The following CNTNAP2 variants were observed in gnomAD, a reference collection of about 807,000 sequenced individuals.
CNTNAP2 encodes the protein contactin-associated protein-like 2.
CNTNAP2 carries 98 observed loss-of-function variants against 155.2 expected under a neutral mutation model. The ratio of observed to expected loss-of-function variants is 0.63; its 90% CI spans 0.54 to 0.75. CNTNAP2 has a LOEUF of 0.75. Ranked by LOEUF, CNTNAP2 falls within the 30% of genes least tolerant of loss-of-function variation. The pLI, the probability that CNTNAP2 is intolerant of heterozygous loss-of-function variation, is 0.00. For synonymous variants in CNTNAP2, 651 were observed against 631.2 expected (o/e 1.03, Z -0.47); for missense variants, 1,727 against 1,688.1 (o/e 1.02, Z -0.40).
chr7:148,192,526 T>A (rs1795215292), intron 18 of CNTNAP2, among the ~76,000 whole-genome samples: 1 of 147,718 alleles, frequency 6.8e-6, no homozygotes. Flanking sequence ...AAGAAATGGA[T>A]GACCAAAAAA....
At chr7:147,991,326 A>G (rs902696117) in intron 15 of CNTNAP2, among the ~76,000 whole-genome samples, 4 of 149,964 alleles carry the variant, frequency 2.7e-5, no homozygotes, top group Admixed American at 2.0e-4. Flanking sequence ...AATAACCACA[A>G]AAGATGATTT....
intron 1 of CNTNAP2, among the ~76,000 whole-genome samples, chr7:146,410,629 C>A (rs1338099470): frequency 6.6e-6 from 1 of 152,048 alleles, no homozygotes; most frequent in Non-Finnish European, 1.5e-5. Flanking sequence ...GTTATTTTTC[C>A]TGATCCTGTC....
chr7:147,968,717 C>T (rs955227212), intron 14 of CNTNAP2, among the ~76,000 whole-genome samples: 1 of 152,182 alleles, frequency 6.6e-6, no homozygotes, highest in African/African-American at 2.4e-5. Context: ...ATCACCTCCT[C>T]ATAATCATTT....
chr7:146,537,002 A>T (rs1410631649), intron 1 of CNTNAP2, among the ~76,000 whole-genome samples: 2 of 152,184 alleles, frequency 1.3e-5, no homozygotes, highest in South Asian at 2.1e-4. Flanking sequence ...AGGTAGAAAG[A>T]CATTTATATT....
At chr7:146,900,544 A>G (rs958008630) in intron 3 of CNTNAP2, among the ~76,000 whole-genome samples, 32 of 152,134 alleles carry the variant, frequency 2.1e-4, no homozygotes, top group Non-Finnish European at 4.3e-4. Flanking sequence ...ATAGGGCCTT[A>G]TCCAGTCAAG....
intron 15 of CNTNAP2, among the ~76,000 whole-genome samples, chr7:148,077,367 A>G (rs577022705): frequency 6.6e-6 from 1 of 152,070 alleles, no homozygotes; most frequent in African/African-American, 2.4e-5. Context: ...ATATTTAAGG[A>G]AACATCTGCT....
chr7:147,356,257 A>C (rs1490902101), intron 9 of CNTNAP2, among the ~76,000 whole-genome samples: 3 of 152,190 alleles, frequency 2.0e-5, no homozygotes, highest in African/African-American at 7.2e-5. Flanking sequence ...GAAAACTCTC[A>C]ATAAAGTAGG....
chr7:146,264,328 T>C (rs2129082202), intron 1 of CNTNAP2, among the ~76,000 whole-genome samples: 1 of 152,054 alleles, frequency 6.6e-6, no homozygotes, highest in South Asian at 2.1e-4. Flanking sequence ...GGCGGGCGCC[T>C]GTAATCCCAG....
chr7:147,413,592 A>G (rs1404680018), intron 10 of CNTNAP2, among the ~76,000 whole-genome samples: 1 of 152,154 alleles, frequency 6.6e-6, no homozygotes, highest in East Asian at 1.9e-4. Flanking sequence ...ATAAATCAAT[A>G]TTTTTTTGAG....
chr7:146,122,275 T>C (rs555216630), intron 1 of CNTNAP2, among the ~76,000 whole-genome samples: 1 of 152,348 alleles, frequency 6.6e-6, no homozygotes, highest in South Asian at 2.1e-4. Flanking sequence ...CTAATAGTGA[T>C]AGCGCGAAGA....
intron 1 of CNTNAP2, among the ~76,000 whole-genome samples, chr7:146,223,182 A>G (rs1354041120): frequency 1.3e-5 from 2 of 152,192 alleles, no homozygotes; most frequent in East Asian, 3.9e-4. Context: ...TGTTCTTGTC[A>G]CAGAGCTAGG....
intron 21 of CNTNAP2, among the ~76,000 whole-genome samples, chr7:148,365,108 G>A (rs923858788): frequency 3.3e-5 from 5 of 152,250 alleles, no homozygotes; most frequent in African/African-American, 4.8e-5. Context: ...CACCAGTTCC[G>A]GACACACTTT....
intron 12 of CNTNAP2, among the ~76,000 whole-genome samples, chr7:147,587,574 G>C (rs950987467): frequency 1.3e-5 from 2 of 152,116 alleles, no homozygotes; most frequent in Non-Finnish European, 2.9e-5. Flanking sequence ...GACTGCTGCT[G>C]AACGTCATGC....
At chr7:146,506,256 G>T (rs1217219717) in intron 1 of CNTNAP2, among the ~76,000 whole-genome samples, 2 of 152,196 alleles carry the variant, frequency 1.3e-5, no homozygotes, top group East Asian at 3.9e-4. Context: ...ACCTGATGTA[G>T]TCTATTTGCC....
In CNTNAP2 at chr7:146,545,587, C is replaced by T. The variant is rs930085302; in HGVS notation, c.98-228684C>T. The stretch of plus-strand genomic sequence containing the variant: ...ACTCCCACTTATGAGTGAGAACACG[C>T]GGTGTTTGGTTTTCTGTTCCTGTGT... On this transcript the variant is annotated intron_variant, in intron 1 of 23. Transcript: ENST00000361727. Among the ~76,000 whole-genome samples the T allele has an allele frequency of 1.3e-4, 19 of 151,520 alleles. No homozygotes were observed. The East Asian group carries it at 1.6e-3, about 12-fold the overall frequency.
chr7:147,297,790 G>C (rs201010388), intron 8 of CNTNAP2, among the ~76,000 whole-genome samples: 4 of 112,360 alleles, frequency 3.6e-5, no homozygotes, highest in African/African-American at 1.4e-4. Context: ...AGGAACAATT[G>C]GGGGGTAATG....
At chr7:146,585,293 T>C (rs1477754151) in intron 1 of CNTNAP2, among the ~76,000 whole-genome samples, 4 of 152,028 alleles carry the variant, frequency 2.6e-5, no homozygotes, top group Admixed American at 1.3e-4. Context: ...GGCTAATTTT[T>C]GTATTTTTAG....
intron 1 of CNTNAP2, among the ~76,000 whole-genome samples, chr7:146,482,797 G>A (rs1277216942): frequency 6.6e-6 from 1 of 151,730 alleles, no homozygotes; most frequent in African/African-American, 2.4e-5. Context: ...GCAGATACAG[G>A]AGAATAATAG....
At chr7:147,219,942 A>ATTTTTTTTTT (rs34947567) in intron 8 of CNTNAP2, among the ~76,000 whole-genome samples, 5 of 122,996 alleles carry the variant, frequency 4.1e-5, no homozygotes, top group Admixed American at 1.7e-4. Context: ...CGCCCAGCTA[A>ATTTTTTTTTT]TTTTTTTTTT....
Sources: gnomAD v4.1 joint callset for allele counts (sites outside exome capture counted in the v4.1 genomes callset) on GRCh38, gnomAD v4.1.1 for gene constraint, MANE v1.5 for transcripts, NCBI Gene and HGNC (gene_info 2026-07-23, HGNC 2026-07-21) for gene names.